The following ZHX3 variants were observed in gnomAD, a reference collection of about 807,000 sequenced individuals.
ZHX3 encodes zinc fingers and homeoboxes protein 3.
In ZHX3, 20 loss-of-function variants were observed where a neutral mutation model predicts 64.5. The observed-to-expected ratio is 0.31, with a 90% CI of 0.22 to 0.45. The LOEUF (loss-of-function observed/expected upper bound fraction) is 0.45, where lower values mean the gene tolerates loss of function less well. Among genes scored for constraint, ZHX3 ranks in the 20% least tolerant of loss-of-function variants. The pLI is 1.00. For synonymous variants in ZHX3, 423 were observed against 461.6 expected (o/e 0.92, Z 1.07); for missense variants, 1,041 against 1,195.8 (o/e 0.87, Z 1.91).
chr20:41,188,947 C>T (rs1430910528), intron 3 of ZHX3, among the ~76,000 whole-genome samples: 1 of 152,110 alleles, frequency 6.6e-6, no homozygotes, highest in Non-Finnish European at 1.5e-5. Flanking sequence ...GTGTTCTGCA[C>T]TGTTTTCTTC....
At chr20:41,235,030 T>A (rs1410300192) in intron 2 of ZHX3, among the ~76,000 whole-genome samples, 1 of 152,234 alleles carries the variant, frequency 6.6e-6, no homozygotes. Context: ...CTAGTTCACT[T>A]ATCCCCATGC....
rs2038179977 is a variant in ZHX3, at chr20:41,201,077, A to G, written c.2860+980T>C. Reference sequence around the variant, plus strand: ...TGGGATTTCTGAGGGATAGGCCACTATGGTTGGCCCTGGGGATGAGGTACC... The same window carrying G: ...TGGGATTTCTGAGGGATAGGCCACTGTGGTTGGCCCTGGGGATGAGGTACC... On this transcript the variant is annotated intron_variant, in intron 3 of 3. Transcript: ENST00000683867. The surrounding 1 kb of genome is among the most constrained non-coding windows in gnomAD (Gnocchi z 5.0). Among the ~76,000 whole-genome samples, 1 of 152,196 alleles carries G rather than the reference A, an allele frequency of 6.6e-6. No homozygotes were observed. Among genetic ancestry groups the G allele is most frequent in the Admixed American group, 6.5e-5 (1 of 15,280 alleles).
chr20:41,311,002 G>T (rs563698489), intron 1 of ZHX3, among the ~76,000 whole-genome samples: 23 of 151,844 alleles, frequency 1.5e-4, no homozygotes, highest in Non-Finnish European at 2.8e-4. Context: ...TAGAGACAGG[G>T]TTTCACCATG....
Position 41,204,990 on chromosome 20 carries a change from T to A in ZHX3, c.-74A>T. ...GCCTAACAATACAAGTTCCAGCTTC[T>A]CGATGAGGGCCAAAGAAACAGTTTC... is the stretch of plus-strand genomic sequence containing the variant. On this transcript the variant is annotated 5_prime_UTR_variant, in exon 3 of 4. Coordinates refer to ENST00000683867, the MANE Select transcript of ZHX3 (RefSeq NM_001384317.1). The surrounding 1 kb of genome is among the most constrained non-coding windows in gnomAD (Gnocchi z 6.6). The A allele has an allele frequency of 1.4e-6, 2 of 1,444,004 alleles. No homozygotes were observed. The allele number at this position is 1,444,004 out of a possible 1,614,324, so 89.4% of individuals were successfully genotyped here.
chr20:41,196,993 G>C (rs903071507), intron 3 of ZHX3: 1 of 181,856 alleles, frequency 5.5e-6, no homozygotes, highest in African/African-American at 2.4e-5. Flanking sequence ...GTTCACTGTG[G>C]ATGTTAAAAG....
At chr20:41,230,393 G>C (rs915566719) in intron 2 of ZHX3, among the ~76,000 whole-genome samples, 1 of 152,092 alleles carries the variant, frequency 6.6e-6, no homozygotes, top group African/African-American at 2.4e-5. Flanking sequence ...TAGTACTTAG[G>C]GAGCAGGATA....
chr20:41,316,172 T>C (rs949503477), intron 1 of ZHX3, among the ~76,000 whole-genome samples: 2 of 152,214 alleles, frequency 1.3e-5, no homozygotes, highest in Non-Finnish European at 2.9e-5. Flanking sequence ...ACTTGGTTAA[T>C]ATGTTGATCA....
At chr20:41,269,919 C>A (rs2043047779) in intron 1 of ZHX3, among the ~76,000 whole-genome samples, 1 of 151,338 alleles carries the variant, frequency 6.6e-6, no homozygotes, top group Non-Finnish European at 1.5e-5. Flanking sequence ...AGTGGCTTAA[C>A]TTCTTAACAC....
rs567228893 is a variant in ZHX3 at position 41,244,824 on chromosome 20, G to A, written c.-151+24166C>T. ...AAATACTGATGTGTGTTGTGTCTGT[G>A]ACTGCAGTGCCATCCTTACCTTCTC... On this transcript the variant is annotated intron_variant, in intron 2 of 3. Transcript: ENST00000683867. Among the ~76,000 whole-genome samples the A allele has an allele frequency of 1.6e-3, 239 of 152,306 alleles. 1 individual carries two copies. Among genetic ancestry groups the A allele is most frequent in the South Asian group, 4.6e-3 (22 of 4,826 alleles).
chr20:41,258,502 T>C (rs1299316815), intron 2 of ZHX3, among the ~76,000 whole-genome samples: 6 of 152,238 alleles, frequency 3.9e-5, no homozygotes, highest in Admixed American at 1.3e-4. Context: ...GACAGTTCCT[T>C]GTTCTTTCCT....
At chr20:41,218,176 G>C (rs2039677881) in intron 2 of ZHX3, among the ~76,000 whole-genome samples, 1 of 151,844 alleles carries the variant, frequency 6.6e-6, no homozygotes, top group South Asian at 2.1e-4. Context: ...TGGACCAGTG[G>C]CTCATACCTG....
chr20:41,289,017 G>T (rs2044083838), intron 1 of ZHX3, among the ~76,000 whole-genome samples: 1 of 151,944 alleles, frequency 6.6e-6, no homozygotes, highest in African/African-American at 2.4e-5. Context: ...TTTGAGACAG[G>T]GTCTCACTGT....
chr20:41,225,658 T>C (rs551478274), intron 2 of ZHX3, among the ~76,000 whole-genome samples: 27 of 152,268 alleles, frequency 1.8e-4, no homozygotes, highest in Middle Eastern at 3.4e-3. Context: ...GGGCTAATTT[T>C]TGTACTTTTA....
chr20:41,258,523 G>A (rs959046311), intron 2 of ZHX3, among the ~76,000 whole-genome samples: 6 of 151,938 alleles, frequency 3.9e-5, no homozygotes, highest in Non-Finnish European at 5.9e-5. Context: ...TATCATTCAC[G>A]TTCTTGACAA....
Position 41,204,375 on chromosome 20 carries a change from A to G in ZHX3, c.542T>C (p.Ile181Thr), listed in dbSNP as rs1379570411. The G allele has an allele frequency of 1.2e-6, 2 of 1,614,124 alleles. No individual in the cohort carries two copies. The highest frequency in any genetic ancestry group is 3.3e-5 in the Admixed American group (2 of 60,024). Residue 181 changes from isoleucine to threonine, a missense_variant, in exon 3 of 4, where the codon ATT becomes ACT. Around this residue, in one of 4 missense-constraint regions of ZHX3, gnomAD observed 358 missense variants for 369.1 expected, o/e 0.97. Transcript: ENST00000683867. This position sits in a 1 kb window ranked among gnomAD's most constrained non-coding sequence, Gnocchi z 6.6. Reference sequence around the variant, plus strand: ...TATCTTCATGATTGGAGTTTTGGTAATGATGATTTCTGCCTGTCCATCAGC... The same window carrying G: ...TATCTTCATGATTGGAGTTTTGGTAGTGATGATTTCTGCCTGTCCATCAGC... ...EGADGQAEII[I>T]TKTPIMKIMK... is the part of the protein sequence containing the mutation.
At chr20:41,279,610 C>G (rs2043569640) in intron 1 of ZHX3, among the ~76,000 whole-genome samples, 1 of 151,776 alleles carries the variant, frequency 6.6e-6, no homozygotes, top group South Asian at 2.1e-4. Context: ...CTTAAAATGA[C>G]CAATATAAAA....
chr20:41,239,714 G>A (rs2041256407), intron 2 of ZHX3: 1 of 152,206 alleles, frequency 6.6e-6, no homozygotes, highest in Non-Finnish European at 1.5e-5. Flanking sequence ...ACTGGGGAGG[G>A]AGGGAGAAGA....
rs2036167759 is a variant in ZHX3, at chr20:41,179,518, C to A, written c.*5673G>T. Reference sequence around the variant, plus strand: ...ATTCATAGGTACCATGTAGATTTTTCTTTTAAATGTATTTCTACTCAGGTT... The same window carrying A: ...ATTCATAGGTACCATGTAGATTTTTATTTTAAATGTATTTCTACTCAGGTT... On this transcript the variant is annotated 3_prime_UTR_variant, in exon 4 of 4. Transcript: ENST00000683867. The surrounding 1 kb of genome is among the most constrained non-coding windows in gnomAD (Gnocchi z 4.3). The A allele has an allele frequency of 6.6e-6, 1 of 152,098 alleles. No homozygotes were observed. Among genetic ancestry groups the A allele is most frequent in the Non-Finnish European group, 1.5e-5 (1 of 68,000 alleles). 9.4% of individuals were successfully genotyped at this position (152,098 alleles called of 1,614,324 possible).
chr20:41,265,983 TG>T (rs2042825342), intron 2 of ZHX3, among the ~76,000 whole-genome samples: 1 of 152,102 alleles, frequency 6.6e-6, no homozygotes, highest in African/African-American at 2.4e-5. Context: ...AACAGAACAA[TG>T]GTAGCAATAG....
Sources: allele counts gnomAD v4.1 joint callset (sites outside exome capture counted in the v4.1 genomes callset), GRCh38; gene constraint gnomAD v4.1.1; regional missense constraint gnomAD v4.1.1; non-coding constraint Gnocchi (gnomAD v3.1); transcripts MANE v1.5; gene names NCBI Gene and HGNC (gene_info 2026-07-23, HGNC 2026-07-21).